FAT3: variants seen among roughly 807,000 people sequenced by gnomAD.
FAT3 encodes FAT atypical cadherin 3.
A neutral mutation model predicts 310.2 loss-of-function variants in FAT3; 95 were observed. The ratio of observed to expected loss-of-function variants is 0.31; its 90% confidence interval spans 0.26 to 0.36. FAT3 has a LOEUF of 0.36. Among genes scored for constraint, FAT3 ranks in the 10% least tolerant of loss-of-function variants. The pLI is 1.00. For missense variants in FAT3, 5,408 were observed against 5,715.6 expected (o/e 0.95, Z 1.74); for synonymous variants, 2,314 against 2,192.9 (o/e 1.06, Z -1.54).
chr11:92,861,546 T>C (rs890485610), intron 21 of FAT3, among the ~76,000 whole-genome samples: 4 of 152,220 alleles, frequency 2.6e-5, no homozygotes, highest in Admixed American at 2.0e-4. Context: ...AAACTAGAGA[T>C]GGATGCTATT....
intron 3 of FAT3, among the ~76,000 whole-genome samples, chr11:92,639,490 C>A (rs745796701): frequency 6.6e-6 from 1 of 152,148 alleles, no homozygotes; most frequent in Non-Finnish European, 1.5e-5. Context: ...TTCTCTCTCT[C>A]TCAATCTCTC....
intron 1 of FAT3, among the ~76,000 whole-genome samples, chr11:92,264,548 C>A (rs1003472965): frequency 1.3e-5 from 2 of 152,088 alleles, no homozygotes; most frequent in Non-Finnish European, 2.9e-5. Context: ...CTATTGCATA[C>A]CATGCATTTA....
chr11:92,431,524 C>T (rs1175330138), intron 2 of FAT3, among the ~76,000 whole-genome samples: 1 of 152,128 alleles, frequency 6.6e-6, no homozygotes. Flanking sequence ...AATTAGATCC[C>T]ATTTGTCAAT....
chr11:92,753,798 G>GTGTGTGTGTGTGTGTA, intron 4 of FAT3, among the ~76,000 whole-genome samples: 2 of 119,114 alleles, frequency 1.7e-5, no homozygotes, highest in African/African-American at 7.8e-5. Context: ...GTGTGTGTGT[G>GTGTGTGTGTGTGTGTA]TATATATATA....
intron 3 of FAT3, among the ~76,000 whole-genome samples, chr11:92,653,690 T>C (rs571593740): frequency 2.0e-4 from 31 of 152,232 alleles, no homozygotes; most frequent in Non-Finnish European, 3.7e-4. Flanking sequence ...TATGTTGCAG[T>C]TGGAAAGTCC....
At chr11:92,498,807 T>C (rs1055556433) in intron 2 of FAT3, 3 of 152,408 alleles carry the variant, frequency 2.0e-5, no homozygotes, top group Non-Finnish European at 2.9e-5. Flanking sequence ...CTTTCCAATA[T>C]TTCTTATACT....
intron 3 of FAT3, among the ~76,000 whole-genome samples, chr11:92,566,639 A>C (rs1010624944): frequency 1.1e-4 from 16 of 151,290 alleles, no homozygotes; most frequent in African/African-American, 3.9e-4. Context: ...TTCAAACTAT[A>C]CTACAAGGCT....
At chr11:92,260,493 G>C (rs1389155334) in intron 1 of FAT3, among the ~76,000 whole-genome samples, 2 of 151,986 alleles carry the variant, frequency 1.3e-5, no homozygotes, top group Non-Finnish European at 2.9e-5. Flanking sequence ...GAATTTTGCT[G>C]ACAATTTCTT....
At chr11:92,887,863 G>C (rs958482702) in intron 25 of FAT3, among the ~76,000 whole-genome samples, 3 of 152,170 alleles carry the variant, frequency 2.0e-5, no homozygotes, top group Admixed American at 6.5e-5. Flanking sequence ...TGTTTTCAAC[G>C]TGCTGGGTAA....
chr11:92,240,197 C>T (rs1362470187), intron 1 of FAT3, among the ~76,000 whole-genome samples: 1 of 142,776 alleles, frequency 7.0e-6, no homozygotes, highest in Non-Finnish European at 1.6e-5. Context: ...TTTAGTTTTA[C>T]ATTTTTTTCA....
In FAT3 at chr11:92,865,271, C is replaced by T. The variant is rs573457622; in HGVS notation, c.11659-1470C>T. Among the ~76,000 whole-genome samples the T allele has an allele frequency of 3.3e-5, 5 of 152,262 alleles. No homozygotes were observed. In the South Asian group the frequency reaches 8.3e-4, roughly 25 times the overall value. On this transcript the variant is annotated intron_variant, in intron 21 of 27. Transcript: ENST00000525166. ...TACTGAAGCATAGAGAAATACGTGACGTGTGAGAATGAGAGATGCTCTGAT... is the reference window on the plus strand; with the variant it reads ...TACTGAAGCATAGAGAAATACGTGATGTGTGAGAATGAGAGATGCTCTGAT...
intron 3 of FAT3, among the ~76,000 whole-genome samples, chr11:92,576,405 T>C (rs1938487791): frequency 6.6e-6 from 1 of 152,158 alleles, no homozygotes; most frequent in Admixed American, 6.6e-5. Context: ...CACAAGTAAA[T>C]TGATAAAACT....
intron 2 of FAT3, among the ~76,000 whole-genome samples, chr11:92,452,902 T>C (rs1334250346): frequency 6.6e-6 from 1 of 152,030 alleles, no homozygotes; most frequent in African/African-American, 2.4e-5. Flanking sequence ...GCCTCCTGAG[T>C]AGCTGGGACT....
chr11:92,633,104 T>C (rs1252625909), intron 3 of FAT3, among the ~76,000 whole-genome samples: 2 of 152,234 alleles, frequency 1.3e-5, no homozygotes, highest in Non-Finnish European at 2.9e-5. Flanking sequence ...TCTCTAATGC[T>C]CTATGACATA....
intron 3 of FAT3, among the ~76,000 whole-genome samples, chr11:92,567,600 G>A (rs968720955): frequency 2.6e-5 from 4 of 151,508 alleles, no homozygotes; most frequent in South Asian, 2.1e-4. Flanking sequence ...TGTTTATTGC[G>A]GCACTATTCA....
chr11:92,235,632 C>A (rs1304027160), intron 1 of FAT3, among the ~76,000 whole-genome samples: 1 of 152,142 alleles, frequency 6.6e-6, no homozygotes, highest in Non-Finnish European at 1.5e-5. Context: ...CCATCTATGA[C>A]CAAATATTGA....
intron 6 of FAT3, among the ~76,000 whole-genome samples, chr11:92,768,159 C>T (rs886578956): frequency 2.6e-5 from 4 of 152,156 alleles, no homozygotes; most frequent in African/African-American, 9.7e-5. Flanking sequence ...TAGAGACTGC[C>T]TTCAGTTTCA....
intron 3 of FAT3, among the ~76,000 whole-genome samples, chr11:92,601,100 A>G (rs1031414705): frequency 4.6e-5 from 7 of 152,048 alleles, no homozygotes; most frequent in African/African-American, 1.7e-4. Context: ...AAGAGCAACA[A>G]GAAGCCAGAA....
chr11:92,709,889 G>A (rs774394022), intron 4 of FAT3, among the ~76,000 whole-genome samples: 2 of 152,076 alleles, frequency 1.3e-5, no homozygotes, highest in East Asian at 3.9e-4. Context: ...CATTACCTCC[G>A]ATCATCCTTG....
Sources: gnomAD v4.1 joint callset for allele counts (sites outside exome capture counted in the v4.1 genomes callset) on GRCh38, gnomAD v4.1.1 for gene constraint, MANE v1.5 for transcripts, NCBI Gene and HGNC (gene_info 2026-07-23, HGNC 2026-07-21) for gene names.